Variants in EFCAB8 observed in about 807,000 individuals in gnomAD.
EFCAB8 encodes the protein EF-hand calcium-binding domain-containing protein 8.
Under a neutral mutation model 116.3 loss-of-function variants are expected in EFCAB8, and 100 were observed. The ratio of observed to expected loss-of-function variants is 0.86; its 90% CI spans 0.73 to 1.02. The LOEUF (loss-of-function observed/expected upper bound fraction) is 1.02. Among genes scored for constraint, EFCAB8 ranks in the 50% least tolerant of loss-of-function variants. EFCAB8 has a pLI of 0.00. For missense variants in EFCAB8, 1,320 were observed against 1,416.9 expected, an observed-to-expected ratio of 0.93 and a Z score of 1.10; for synonymous variants, 558 against 567.9, an observed-to-expected ratio of 0.98 and a Z score of 0.25.
chr20:32,895,491 A>T (rs1032443825), intron 9 of EFCAB8, among the ~76,000 whole-genome samples: 24 of 150,708 alleles, frequency 1.6e-4, no homozygotes, highest in Non-Finnish European at 1.8e-4. Context: ...ACTTCTGGCT[A>T]ATTTTTTATT....
chr20:32,924,025 C>T (rs779730366), intron 20 of EFCAB8, among the ~76,000 whole-genome samples: 5 of 152,140 alleles, frequency 3.3e-5, no homozygotes, highest in Non-Finnish European at 7.4e-5. Flanking sequence ...TCAATATCTG[C>T]CAGACAATGA....
chr20:32,909,037 A>AG (rs1248454383), intron 14 of EFCAB8, among the ~76,000 whole-genome samples: 1 of 152,182 alleles, frequency 6.6e-6, no homozygotes, highest in Non-Finnish European at 1.5e-5. Flanking sequence ...GGGAGCTGCA[A>AG]GGCTGAGCCA....
chr20:32,960,067 G>GCA lies in EFCAB8; in HGVS notation c.3300_3301dup (p.Lys1101ThrfsTer29). The stretch of plus-strand genomic sequence containing the variant: ...TCTTGGGCGTGGCTCCTGCAGGTGA[G>GCA]CAAAGTCTTGGGAGCGGCGTATAAG... On this transcript the variant is annotated frameshift_variant, in exon 26 of 27. Coordinates refer to ENST00000400522, the MANE Select transcript of EFCAB8 (RefSeq NM_001143967.2). LOFTEE classifies it high-confidence loss of function. 1 of 1,551,736 alleles carries GCA rather than the reference G, an allele frequency of 6.4e-7. No individual in the cohort carries two copies. The highest frequency in any genetic ancestry group is 8.7e-7 in the Non-Finnish European group (1 of 1,146,996).
intron 22 of EFCAB8, among the ~76,000 whole-genome samples, chr20:32,932,014 CT>C (rs1322876175): frequency 1.3e-5 from 2 of 152,136 alleles, no homozygotes; most frequent in Non-Finnish European, 2.9e-5. Flanking sequence ...AAGGGGACTT[CT>C]GGAGAGGTTG....
At chr20:32,866,369 C>T (rs962981425) in intron 2 of EFCAB8, among the ~76,000 whole-genome samples, 2 of 152,158 alleles carry the variant, frequency 1.3e-5, no homozygotes, top group Non-Finnish European at 2.9e-5. Flanking sequence ...CTGCCTGCCA[C>T]TCAGGTCATC....
At position 32,898,635 on chromosome 20, in the gene EFCAB8, T is replaced by C; in HGVS notation, c.1088+12T>C. ...TCTAAGAAACCCAGGTAAGAAGTGC[T>C]TCTCTCCTGGCTAAGGCGGTGGGGC... On this transcript the variant is annotated intron_variant, in intron 11 of 26. Coordinates refer to ENST00000400522, the MANE Select transcript of EFCAB8 (RefSeq NM_001143967.2). 1.4e-6 allele frequency: 1 copy of C among 718,268 alleles called. No individual in the cohort carries two copies. Among genetic ancestry groups the C allele is most frequent in the Non-Finnish European group, 2.6e-6 (1 of 384,838 alleles). 44.5% of individuals were successfully genotyped at this position (718,268 alleles called of 1,614,324 possible).
At chr20:32,923,059 C>T (rs532036427) in intron 20 of EFCAB8, among the ~76,000 whole-genome samples, 19 of 152,178 alleles carry the variant, frequency 1.2e-4, no homozygotes, top group African/African-American at 3.4e-4. Context: ...ATAGTGTGCA[C>T]GGTGCACCCA....
chr20:32,889,074 G>T (rs1165885363), intron 6 of EFCAB8, among the ~76,000 whole-genome samples: 2 of 152,088 alleles, frequency 1.3e-5, no homozygotes, highest in East Asian at 1.9e-4. Flanking sequence ...CCAGAAAGGG[G>T]TTTTAAAGAA....
intron 22 of EFCAB8, among the ~76,000 whole-genome samples, chr20:32,935,819 A>G (rs1387904764): frequency 2.6e-5 from 4 of 151,690 alleles, no homozygotes; most frequent in Non-Finnish European, 5.9e-5. Context: ...TCATTTTCTA[A>G]TTGGGTTATT....
At chr20:32,960,283 C>G in intron 26 of EFCAB8, 122 bp downstream of exon 26, 1 of 919,822 alleles carries the variant, frequency 1.1e-6, no homozygotes, top group South Asian at 1.6e-5. Context: ...AGCCTTTGTC[C>G]TTTAACAGGA....
intron 20 of EFCAB8, among the ~76,000 whole-genome samples, chr20:32,924,352 C>G (rs1375130286): frequency 1.3e-5 from 2 of 152,194 alleles, no homozygotes; most frequent in Admixed American, 6.5e-5. Context: ...GCATAAGCCA[C>G]CATGCCCAGC....
intron 1 of EFCAB8, among the ~76,000 whole-genome samples, chr20:32,859,574 AAATATT>A (rs1489120775): frequency 6.6e-6 from 1 of 152,226 alleles, no homozygotes; most frequent in Non-Finnish European, 1.5e-5. Flanking sequence ...TTATCTTACA[AAATATT>A]TAGTTTTGAA....
At chr20:32,949,383 C>A (rs927606977) in intron 23 of EFCAB8, among the ~76,000 whole-genome samples, 2 of 152,138 alleles carry the variant, frequency 1.3e-5, no homozygotes, top group African/African-American at 4.8e-5. Context: ...CAATCAATAT[C>A]CCAGAAGAAT....
In EFCAB8 at chr20:32,906,894, AGAGG is replaced by A. The variant is rs1253620042; in HGVS notation, c.1209_1212del (p.Lys403AsnfsTer5). The A allele has an allele frequency of 1.3e-6, 2 of 1,551,258 alleles. No homozygotes were observed. Among genetic ancestry groups the A allele is most frequent in the African/African-American group, 2.7e-5 (2 of 73,040 alleles). On this transcript the variant is annotated frameshift_variant, in exon 13 of 27. Transcript: ENST00000400522. LOFTEE classifies it high-confidence loss of function. The stretch of plus-strand genomic sequence containing the variant: ...CGCCTGTGGAACCCCTTTGTCTCAA[AGAGG>A]CCCGTGTGGCTGATGAAGGGACACC...
chr20:32,899,485 T>A (rs1986328847), intron 11 of EFCAB8, among the ~76,000 whole-genome samples: 1 of 152,004 alleles, frequency 6.6e-6, no homozygotes, highest in African/African-American at 2.4e-5. Flanking sequence ...ATGAAAACAT[T>A]ATAAAGAAGG....
chr20:32,941,621 C>T (rs1417617753), intron 22 of EFCAB8, among the ~76,000 whole-genome samples: 1 of 152,134 alleles, frequency 6.6e-6, no homozygotes, highest in Non-Finnish European at 1.5e-5. Flanking sequence ...CCACAAAATA[C>T]CATATATTGT....
intron 22 of EFCAB8, among the ~76,000 whole-genome samples, chr20:32,936,458 A>T (rs751042279): frequency 2.4e-4 from 37 of 152,150 alleles, no homozygotes; most frequent in South Asian, 4.1e-4. Context: ...TCTTATATTT[A>T]AGACTTTAAT....
intron 11 of EFCAB8, among the ~76,000 whole-genome samples, chr20:32,900,723 T>G (rs1226758076): frequency 6.6e-6 from 1 of 152,114 alleles, no homozygotes; most frequent in Non-Finnish European, 1.5e-5. Context: ...TGCGCCACCA[T>G]GCCCGGTTAA....
intron 22 of EFCAB8, among the ~76,000 whole-genome samples, chr20:32,938,863 C>A (rs1988223033): frequency 6.7e-6 from 1 of 149,614 alleles, no homozygotes; most frequent in African/African-American, 2.5e-5. Context: ...TGATTTAATG[C>A]AATTTATATC....
Sources: gnomAD v4.1 joint callset for allele counts (sites outside exome capture counted in the v4.1 genomes callset) on GRCh38, gnomAD v4.1.1 for gene constraint, MANE v1.5 for transcripts, NCBI Gene and HGNC (gene_info 2026-07-23, HGNC 2026-07-21) for gene names.